Variants in EPRS1 observed in about 807,000 individuals in gnomAD.
The protein encoded by EPRS1 is bifunctional glutamate/proline--tRNA ligase.
EPRS1 carries 107 observed loss-of-function variants against 188.3 expected under a neutral mutation model. The ratio of observed to expected loss-of-function variants is 0.57; its 90% CI spans 0.49 to 0.67. EPRS1 has a LOEUF of 0.67. EPRS1 is among the 30% of genes least tolerant of loss of function. The pLI is 0.00. For missense variants in EPRS1, 1,577 were observed against 1,802.2 expected, an observed-to-expected ratio of 0.88 and a Z score of 2.26; for synonymous variants, 596 against 593.1, an observed-to-expected ratio of 1.00 and a Z score of -0.07.
intron 5 of EPRS1, among the ~76,000 whole-genome samples, chr1:220,031,501 G>A (rs569454063): frequency 2.0e-5 from 3 of 152,328 alleles, no homozygotes; most frequent in African/African-American, 4.8e-5. Flanking sequence ...AACAGGACTC[G>A]TTGAGTAAAT....
rs1297468583 is a variant in EPRS1, at chr1:220,020,158, G to A, written c.1179C>T (p.Ala393=). The A allele has an allele frequency of 6.2e-7, 1 of 1,613,764 alleles. No homozygotes were observed. The highest frequency in any genetic ancestry group is 8.5e-7 in the Non-Finnish European group (1 of 1,179,982). The change falls in exon 10 of 32, where the codon GCC becomes GCT. Residue 393 remains alanine, a synonymous_variant. Transcript: ENST00000366923. ...TGTCATGGTATTCTGTTGTTCTCAG[G>A]GCATGTGTAACACCTTCGATGCTGT... is the stretch of plus-strand genomic sequence containing the variant. ...IVDSIEGVTH[A]LRTTEYHDRD...
Position 219,997,345 on chromosome 1 carries a change from A to G in EPRS1, c.2182-3T>C, listed in dbSNP as rs1661257516. The G allele has an allele frequency of 6.5e-7, 1 of 1,546,134 alleles. No individual in the cohort carries two copies. ...CTTTCCTTAAAAGGAGCAGAGGTCT[A>G]CCAAGAGAGAAAACCAAAAGTAAAA... On this transcript the variant is annotated splice_region_variant and splice_polypyrimidine_tract_variant and intron_variant, in intron 17 of 31. Transcript: ENST00000366923.
At chr1:220,028,405 C>T (rs1472235141) in intron 6 of EPRS1, among the ~76,000 whole-genome samples, 3 of 152,080 alleles carry the variant, frequency 2.0e-5, no homozygotes, top group African/African-American at 7.2e-5. Context: ...AGTCACAAGA[C>T]AACTAAAATC....
chr1:219,978,979 C>CA (rs1660838757), intron 27 of EPRS1, among the ~76,000 whole-genome samples: 1 of 151,314 alleles, frequency 6.6e-6, no homozygotes, highest in South Asian at 2.1e-4. Flanking sequence ...TTTTTCCCCC[C>CA]CAGCCTCCCA....
chr1:220,008,842 A>G (rs921429802), intron 13 of EPRS1, among the ~76,000 whole-genome samples: 2 of 151,942 alleles, frequency 1.3e-5, no homozygotes, highest in Non-Finnish European at 2.9e-5. Context: ...TGCCTGGTTA[A>G]TTTTTTTATT....
intron 18 of EPRS1, among the ~76,000 whole-genome samples, chr1:219,989,877 A>G (rs1007832376): frequency 6.6e-6 from 1 of 152,132 alleles, no homozygotes; most frequent in African/African-American, 2.4e-5. Context: ...TGTTTTTAGG[A>G]AAGAGTTTTC....
intron 20 of EPRS1, among the ~76,000 whole-genome samples, chr1:219,985,887 A>G (rs1362758149): frequency 6.6e-6 from 1 of 152,186 alleles, no homozygotes; most frequent in African/African-American, 2.4e-5. Context: ...AAAAATTTTA[A>G]TGTATTTGCA....
intron 16 of EPRS1, among the ~76,000 whole-genome samples, chr1:220,003,854 C>T (rs1661407915): frequency 6.6e-6 from 1 of 152,148 alleles, no homozygotes; most frequent in South Asian, 2.1e-4. Flanking sequence ...AGCCACAAGG[C>T]CATTCCAGGA....
chr1:220,042,554 A>T (rs1193443693), intron 1 of EPRS1, among the ~76,000 whole-genome samples: 5 of 152,080 alleles, frequency 3.3e-5, no homozygotes, highest in African/African-American at 1.2e-4. Context: ...CTGGCAAATC[A>T]GGGTAATGAC....
Position 219,972,137 on chromosome 1 carries a change from C to T in EPRS1, c.4255G>A (p.Asp1419Asn), listed in dbSNP as rs1660679783. The T allele has an allele frequency of 6.4e-7, 1 of 1,567,882 alleles. No homozygotes were observed. The highest frequency in any genetic ancestry group is 1.7e-4 in the Middle Eastern group (1 of 5,924). ...GCCACAACCATATGAGTCTTAAGGT[C>T]TTCAGAAGCCCTACCAAACAAAATT... Reference protein sequence around the residue: ...QVTLFTRASEDLKTHMVVANT... With the variant: ...QVTLFTRASENLKTHMVVANT... Residue 1419 changes from aspartate (D) to asparagine (N), a missense_variant, in exon 30 of 32, where the codon GAC becomes AAC. By Grantham distance (23) the Asp-to-Asn change is conservative. Coordinates refer to ENST00000366923, the MANE Select transcript of EPRS1 (RefSeq NM_004446.3).
In EPRS1 at chr1:219,968,929, T is replaced by C. The variant is rs754404436; in HGVS notation, c.4416A>G (p.Pro1472=). 81 of 1,613,824 alleles carry C rather than the reference T, an allele frequency of 5.0e-5. No individual in the cohort carries two copies. Among genetic ancestry groups the C allele is most frequent in the Non-Finnish European group, 6.6e-5 (78 of 1,179,800 alleles). Residue 1472 remains proline, a synonymous_variant, in exon 32 of 32, where the codon CCA becomes CCG. Transcript: ENST00000366923. ...ARDQDLEPGA[P]SMGAKSLCIP... ...TGCAAAGGCTTTTAGCTCCCATGGA[T>C]GGAGCACCAGGTTCAAGATCTTGAT... is the stretch of plus-strand genomic sequence containing the variant.
chr1:220,007,838 C>T (rs545704203), intron 13 of EPRS1, among the ~76,000 whole-genome samples: 3 of 152,290 alleles, frequency 2.0e-5, no homozygotes, highest in East Asian at 3.9e-4. Flanking sequence ...GCCACTGCTT[C>T]GCTGGGCATG....
intron 18 of EPRS1, among the ~76,000 whole-genome samples, chr1:219,994,275 C>T (rs931381635): frequency 6.6e-6 from 1 of 152,016 alleles, no homozygotes; most frequent in African/African-American, 2.4e-5. Context: ...GTCTGAGTGT[C>T]AGTGTGTGTG....
chr1:220,030,971 A>C (rs1662072606), intron 5 of EPRS1, among the ~76,000 whole-genome samples: 1 of 152,088 alleles, frequency 6.6e-6, no homozygotes, highest in Admixed American at 6.6e-5. Flanking sequence ...GTGCACCTGT[A>C]GTCCCAGCTA....
Position 220,024,190 on chromosome 1 carries a change from A to G in EPRS1, c.943+74T>C, listed in dbSNP as rs1319448767. 5.6e-6 allele frequency: 6 copies of G among 1,068,538 alleles called. No individual in the cohort carries two copies. The South Asian group carries it at 1.2e-4, about 21-fold the overall frequency. 66.2% of individuals were successfully genotyped at this position (1,068,538 alleles called of 1,614,324 possible). A position where few individuals can be genotyped will look rare whatever the true frequency, so the allele number is the denominator to read the frequency against. ...AAACAAAAAAACTAGCAGCTTTCAC[A>G]AAAAAGAAATCACGTTCTACTAAAG... On this transcript the variant is annotated intron_variant, in intron 8 of 31. Coordinates refer to ENST00000366923, the MANE Select transcript of EPRS1 (RefSeq NM_004446.3).
In EPRS1 at chr1:220,007,195, T is replaced by A. The variant is rs1661505198; in HGVS notation, c.1742+7A>T. 3 of 1,603,440 alleles carry A rather than the reference T, an allele frequency of 1.9e-6. No individual in the cohort carries two copies. The highest frequency in any genetic ancestry group is 1.3e-5 in the African/African-American group (1 of 74,370). ...TGTTTATTTGAAAACAAACAAAAAG[T>A]TCTTACTTGTGTATTTTTGTAATGT... On this transcript the variant is annotated splice_region_variant and intron_variant, in intron 14 of 31. Transcript: ENST00000366923.
Position 220,020,233 on chromosome 1 carries a change from GAAAAT to G in EPRS1, c.1116-17_1116-13del, listed in dbSNP as rs779288053. 1.0e-5 allele frequency: 16 copies of G among 1,536,404 alleles called. No individual in the cohort carries two copies. The East Asian group carries it at 1.6e-4, about 15-fold the overall frequency. On this transcript the variant is annotated splice_polypyrimidine_tract_variant and intron_variant, in intron 9 of 31. Coordinates refer to ENST00000366923, the MANE Select transcript of EPRS1 (RefSeq NM_004446.3). ...ATGTTGGATAAACACTAGAAAAAAA[GAAAAT>G]AAAATAAACAAAACATTTTACCCTT...
At chr1:220,005,852 T>C (rs1247761912) in intron 15 of EPRS1, among the ~76,000 whole-genome samples, 3 of 69,206 alleles carry the variant, frequency 4.3e-5, no homozygotes, top group East Asian at 9.3e-4. Context: ...TTTTTTTTTG[T>C]AGAGACGGGG....
chr1:219,973,969 A>G (rs1375736605), intron 28 of EPRS1, among the ~76,000 whole-genome samples: 1 of 152,086 alleles, frequency 6.6e-6, no homozygotes, highest in African/African-American at 2.4e-5. Context: ...GTTTGAAGAC[A>G]GAGTCTCACT....
Sources: allele counts gnomAD v4.1 joint callset (sites outside exome capture counted in the v4.1 genomes callset), GRCh38; gene constraint gnomAD v4.1.1; transcripts MANE v1.5; gene names NCBI Gene and HGNC (gene_info 2026-07-23, HGNC 2026-07-21).